Variants in TSC2 observed in about 807,000 individuals in gnomAD.
The protein encoded by TSC2 is tuberin.
TSC2 carries 29 observed loss-of-function variants against 202.2 expected under a neutral mutation model. The ratio of observed to expected loss-of-function variants is 0.14; its 90% CI spans 0.11 to 0.20. The LOEUF (loss-of-function observed/expected upper bound fraction) is 0.20. Among genes scored for constraint, TSC2 ranks in the 10% least tolerant of loss-of-function variants. The pLI is 1.00. For missense variants in TSC2, 2,429 were observed against 2,420.0 expected (o/e 1.00, Z -0.08); for synonymous variants, 1,349 against 1,044.0 (o/e 1.29, Z -5.63).
chr16:2,075,049 C>CA (rs1336575193), intron 22 of TSC2: 4 of 158,946 alleles, frequency 2.5e-5, no homozygotes, highest in African/African-American at 9.7e-5. Context: ...AACCCTGTCT[C>CA]TACTAAGAAT....
At chr16:2,050,584 T>C (rs2084980462) in intron 3 of TSC2, 98 bp downstream of exon 3, 1 of 933,640 alleles carries the variant, frequency 1.1e-6, no homozygotes. Flanking sequence ...TGACTGCCGA[T>C]GATCTGGTTT....
At chr16:2,048,380 C>T (rs1043212932) in intron 1 of TSC2, 4 of 853,170 alleles carry the variant, frequency 4.7e-6, no homozygotes, top group Non-Finnish European at 7.8e-6. Context: ...GTAGAGAGCT[C>T]TCTAGACCAG....
intron 11 of TSC2, chr16:2,061,664 G>C: frequency 1.3e-6 from 1 of 757,932 alleles, no homozygotes; most frequent in Non-Finnish European, 2.2e-6. Flanking sequence ...CGTGGGTCAG[G>C]GTGGCCCCTG....
chr16:2,080,543 G>A (rs1189206676), intron 30 of TSC2, 166 bp downstream of exon 30: 6 of 776,064 alleles, frequency 7.7e-6, no homozygotes, highest in African/African-American at 1.8e-5. Flanking sequence ...GAACGCAGTG[G>A]CGCAATCTCG....
rs1166042912 is a variant in TSC2 at position 2,082,495 on chromosome 16, T to C, written c.3874T>C (p.Ser1292Pro). 1.9e-6 allele frequency: 3 copies of C among 1,611,894 alleles called. No homozygotes were observed. The highest frequency in any genetic ancestry group is 2.5e-6 in the Non-Finnish European group (3 of 1,179,984). ...SCQGQLHRSV[S>P]WADSAVVMEE... ...CCAAGGACAGCTGCACAGGAGCGTT[T>C]CCTGGGCAGGTATCGCCTCTCAGAG... The change falls in exon 32 of 42, where the codon TCC (serine) becomes CCC (proline). Residue 1292 changes from serine (S) to proline (P), a missense_variant. By Grantham distance (74) the Ser-to-Pro change is moderately conservative. Transcript: ENST00000219476.
At chr16:2,065,680 T>C in intron 16 of TSC2, 45 bp downstream of exon 16, 1 of 1,516,356 alleles carries the variant, frequency 6.6e-7, no homozygotes, top group Non-Finnish European at 9.1e-7. Context: ...CGCGCATGGC[T>C]AGCGTCCACC....
rs775919951 is a variant in TSC2 at position 2,084,984 on chromosome 16, C to T, written c.4527C>T (p.Phe1509=). 1 of 1,612,134 alleles carries T rather than the reference C, an allele frequency of 6.2e-7. No homozygotes were observed. The highest frequency in any genetic ancestry group is 1.1e-5 in the South Asian group (1 of 90,980). Residue 1509 remains phenylalanine (F), a synonymous_variant, in exon 35 of 42, where the codon TTC becomes TTT. Transcript: ENST00000219476. ...TCCTGCAGCTCTACCATTCCCCCTTCTTTGGCGACGAGTCAAACAAGCCAA... is the reference window on the plus strand; with the variant it reads ...TCCTGCAGCTCTACCATTCCCCCTTTTTTGGCGACGAGTCAAACAAGCCAA... ...FVFLQLYHSP[F]FGDESNKPIL... is the part of the protein sequence containing the mutation.
intron 17 of TSC2, among the ~76,000 whole-genome samples, chr16:2,071,129 C>A (rs1441249205): frequency 6.6e-6 from 1 of 152,230 alleles, no homozygotes; most frequent in Non-Finnish European, 1.5e-5. Flanking sequence ...ACCCCTGTGG[C>A]CTCAGAGTCC....
chr16:2,081,484 G>A (rs981625824), intron 30 of TSC2, 111 bp from the exon 31 acceptor site: 3 of 1,345,096 alleles, frequency 2.2e-6, no homozygotes, highest in Middle Eastern at 4.0e-4. Context: ...TGAGGATTGT[G>A]GGAGGGAGCA....
In TSC2 at chr16:2,079,614, C is replaced by T. The variant is rs755871381; in HGVS notation, c.3342C>T (p.Ser1114=). 27 of 1,610,994 alleles carry T rather than the reference C, an allele frequency of 1.7e-5. No individual in the cohort carries two copies. Among genetic ancestry groups the T allele is most frequent in the Middle Eastern group, 1.7e-4 (1 of 6,020 alleles). ...AGGAGGCGCCGGCCAAGCTGGAGTC[C>T]CAGGCTGGGCAGCAGGTGTCCCGTG... ...QTKEAPAKLE[S]QAGQQVSRGA... is the part of the protein sequence containing the mutation. Residue 1114 remains serine, a synonymous_variant, in exon 29 of 42, where the codon TCC becomes TCT. Coordinates refer to ENST00000219476, the MANE Select transcript of TSC2 (RefSeq NM_000548.5). This position sits in a 1 kb window ranked among gnomAD's most constrained non-coding sequence, Gnocchi z 4.6.
intron 11 of TSC2, 57 bp from the exon 12 acceptor site, chr16:2,061,814 T>C (rs376446184): frequency 6.2e-7 from 1 of 1,613,258 alleles, no homozygotes; most frequent in Middle Eastern, 1.7e-4. Flanking sequence ...AGGCCTCTGG[T>C]GCCAAGTCCA....
intron 11 of TSC2, chr16:2,061,165 A>G: frequency 2.6e-6 from 1 of 383,158 alleles, no homozygotes; most frequent in African/African-American, 2.1e-5. Flanking sequence ...ATGACTTTGG[A>G]GGACCGCATT....
At position 2,079,867 on chromosome 16, in the gene TSC2, G is replaced by C. The variant is rs974925191; in HGVS notation, c.3397+198G>C. On this transcript the variant is annotated intron_variant, in intron 29 of 41. Transcript: ENST00000219476. The surrounding 1 kb of genome is among the most constrained non-coding windows in gnomAD (Gnocchi z 4.6). Reference sequence around the variant, plus strand: ...GGTGGAGTGTGGCCCGCTTGCTGCAGAGGGGCCTGCTCTGGGTGCTGGTGT... The same window carrying C: ...GGTGGAGTGTGGCCCGCTTGCTGCACAGGGGCCTGCTCTGGGTGCTGGTGT... Among the ~76,000 whole-genome samples, 7 of 152,196 alleles carry C rather than the reference G, an allele frequency of 4.6e-5. No homozygotes were observed. Among genetic ancestry groups the C allele is most frequent in the African/African-American group, 1.7e-4 (7 of 41,454 alleles).
chr16:2,074,744 G>A (rs1331155808), intron 22 of TSC2: 1 of 394,550 alleles, frequency 2.5e-6, no homozygotes, highest in African/African-American at 2.1e-5. Flanking sequence ...AGGAGCTCAG[G>A]TGCCTGTCCC....
intron 16 of TSC2, among the ~76,000 whole-genome samples, chr16:2,068,037 T>C (rs2087645296): frequency 6.6e-6 from 1 of 152,158 alleles, no homozygotes; most frequent in South Asian, 2.1e-4. Context: ...CTGGCTGCTT[T>C]CATTTCTTTA....
Position 2,072,378 on chromosome 16 carries a change from C to T in TSC2, c.2220+15C>T, listed in dbSNP as rs1455057080. On this transcript the variant is annotated intron_variant, in intron 20 of 41. Coordinates refer to ENST00000219476, the MANE Select transcript of TSC2 (RefSeq NM_000548.5). ...TCTGCTCCATGGTACCATGGCCGGC[C>T]TGGGGTTGGGGTGGGGGACCCAGTA... 3 of 1,613,250 alleles carry T rather than the reference C, an allele frequency of 1.9e-6. No homozygotes were observed. The South Asian group carries it at 3.3e-5, about 18-fold the overall frequency.
chr16:2,083,462 T>C (rs987973591), intron 32 of TSC2: 7 of 684,936 alleles, frequency 1.0e-5, no homozygotes, highest in African/African-American at 7.1e-5. Context: ...GCAGAGCCGA[T>C]TGCCTGCCCA....
At chr16:2,056,953 A>G in intron 8 of TSC2, 152 bp from the exon 9 acceptor site, 1 of 1,361,660 alleles carries the variant, frequency 7.3e-7, no homozygotes, top group East Asian at 2.5e-5. Context: ...CATTTTGAGA[A>G]CCCTGCTGCC....
At position 2,070,592 on chromosome 16, in the gene TSC2, G is replaced by A. The variant is rs1258455812; in HGVS notation, c.1839+14G>A. 6.2e-7 allele frequency: 1 copy of A among 1,612,828 alleles called. No homozygotes were observed. Among genetic ancestry groups the A allele is most frequent in the African/African-American group, 1.3e-5 (1 of 74,948 alleles). On this transcript the variant is annotated intron_variant, in intron 17 of 41. Transcript: ENST00000219476. ...ATCCGGCTGCAGGTATGGTGGCTGG[G>A]GTTGCGCAGCCAGTTCCTGGGGGCC...
Sources: gnomAD v4.1 joint callset for allele counts (sites outside exome capture counted in the v4.1 genomes callset) on GRCh38, gnomAD v4.1.1 for gene constraint, Gnocchi (gnomAD v3.1) non-coding constraint, MANE v1.5 for transcripts, NCBI Gene and HGNC (gene_info 2026-07-23, HGNC 2026-07-21) for gene names.